XRCC4: variants seen among roughly 807,000 people sequenced by gnomAD.
XRCC4 encodes DNA repair protein XRCC4.
A neutral mutation model predicts 39.1 loss-of-function variants in XRCC4; 28 were observed. The observed-to-expected ratio is 0.72, with a 90% CI of 0.53 to 0.98. XRCC4 has a LOEUF of 0.98. Ranked by LOEUF, XRCC4 falls within the 50% of genes least tolerant of loss-of-function variation. XRCC4 has a pLI of 0.00. For missense variants in XRCC4, 350 were observed against 376.4 expected, an observed-to-expected ratio of 0.93 and a Z score of 0.58; for synonymous variants, 123 against 126.4, an observed-to-expected ratio of 0.97 and a Z score of 0.18.
At chr5:83,340,918 C>G (rs554037646) in intron 7 of XRCC4, among the ~76,000 whole-genome samples, 1 of 152,162 alleles carries the variant, frequency 6.6e-6, no homozygotes, top group African/African-American at 2.4e-5. Flanking sequence ...TTTGCCACTT[C>G]TCTTGATAGC....
intron 7 of XRCC4, among the ~76,000 whole-genome samples, chr5:83,265,743 T>G (rs189515134): frequency 6.6e-6 from 1 of 152,266 alleles, no homozygotes; most frequent in Admixed American, 6.5e-5. Context: ...AAAGCATGAT[T>G]ATTAAATGTA....
chr5:83,128,322 C>T lies in XRCC4; in HGVS notation c.315+17119C>T, dbSNP rs559092274. 4.1e-4 allele frequency among the ~76,000 whole-genome samples: 63 copies of T among 152,248 alleles called. 2 individuals carry two copies. In the East Asian group the frequency reaches 0.011, roughly 26 times the overall value. On this transcript the variant is annotated intron_variant, in intron 3 of 7. Coordinates refer to ENST00000396027, the MANE Select transcript of XRCC4 (RefSeq NM_003401.5). ...ATGAACTCATCCTTTTTAATGGCTA[C>T]ATAGTATTCCATGGTGTATATGTGC... is the stretch of plus-strand genomic sequence containing the variant.
chr5:83,229,584 T>C (rs1752419487), intron 6 of XRCC4, among the ~76,000 whole-genome samples: 1 of 151,550 alleles, frequency 6.6e-6, no homozygotes, highest in Non-Finnish European at 1.5e-5. Flanking sequence ...AAGATAAATT[T>C]GAACTAGAGA....
intron 6 of XRCC4, among the ~76,000 whole-genome samples, chr5:83,238,937 G>A (rs11957090): frequency 0.016 from 2,421 of 152,266 alleles, 60 homozygotes; most frequent in African/African-American, 0.054. Context: ...GTTTCAGGCA[G>A]CTCTGAAGTA....
the XRCC4 span, among the ~76,000 whole-genome samples, chr5:83,363,189 G>A: frequency 6.6e-6 from 1 of 152,124 alleles, no homozygotes; most frequent in East Asian, 1.9e-4. Context: ...GGAGATAGAT[G>A]AAGTTTGAGC....
intron 7 of XRCC4, among the ~76,000 whole-genome samples, chr5:83,336,584 G>T (rs1046598629): frequency 6.6e-6 from 1 of 152,028 alleles, no homozygotes; most frequent in Non-Finnish European, 1.5e-5. Flanking sequence ...TTGCTTATTT[G>T]CCCTGTTGTT....
At chr5:83,347,961 C>T (rs918116061) in intron 7 of XRCC4, among the ~76,000 whole-genome samples, 6 of 152,206 alleles carry the variant, frequency 3.9e-5, no homozygotes, top group African/African-American at 1.4e-4. Flanking sequence ...GTCCGAAAAC[C>T]AGCATGGCAG....
At chr5:83,108,867 TAGAAG>T in intron 2 of XRCC4, among the ~76,000 whole-genome samples, 1 of 151,140 alleles carries the variant, frequency 6.6e-6, no homozygotes. Flanking sequence ...TTTTTTTTTT[TAGAAG>T]AGCTACTAGG....
At chr5:83,091,464 A>G (rs1335376364) in intron 1 of XRCC4, among the ~76,000 whole-genome samples, 1 of 152,186 alleles carries the variant, frequency 6.6e-6, no homozygotes, top group Non-Finnish European at 1.5e-5. Context: ...TCTGGGGATT[A>G]CAATTCGAGA....
downstream of XRCC4, among the ~76,000 whole-genome samples, chr5:83,355,663 A>G (rs369893293): frequency 6.6e-6 from 1 of 152,072 alleles, no homozygotes; most frequent in African/African-American, 2.4e-5. Flanking sequence ...TGTTTGAGAC[A>G]GAGCCTCACA....
At chr5:83,094,216 ACTT>A (rs1745562380) in intron 1 of XRCC4, among the ~76,000 whole-genome samples, 2 of 151,448 alleles carry the variant, frequency 1.3e-5, no homozygotes, top group South Asian at 4.2e-4. Context: ...TTGTTTTTCT[ACTT>A]CTTAATTCCT....
intron 6 of XRCC4, among the ~76,000 whole-genome samples, chr5:83,211,582 G>C (rs988687043): frequency 6.6e-6 from 1 of 152,142 alleles, no homozygotes; most frequent in African/African-American, 2.4e-5. Context: ...AATAGAAAAA[G>C]AGAGGCTAGA....
intron 3 of XRCC4, among the ~76,000 whole-genome samples, chr5:83,111,844 A>G (rs1339351380): frequency 6.6e-6 from 1 of 152,140 alleles, no homozygotes; most frequent in Non-Finnish European, 1.5e-5. Context: ...AGTTTAATAG[A>G]TACTGAATTT....
intron 7 of XRCC4, among the ~76,000 whole-genome samples, chr5:83,297,705 T>G (rs749298339): frequency 6.6e-6 from 1 of 151,936 alleles, no homozygotes; most frequent in South Asian, 2.1e-4. Flanking sequence ...AGTATAATAG[T>G]AGGCCTAGTT....
chr5:83,143,238 A>T (rs554680537), intron 3 of XRCC4, among the ~76,000 whole-genome samples: 2 of 152,226 alleles, frequency 1.3e-5, no homozygotes, highest in East Asian at 3.9e-4. Context: ...ATTTTAATCT[A>T]CCTTTATACT....
intron 6 of XRCC4, among the ~76,000 whole-genome samples, chr5:83,254,026 A>G (rs1292493370): frequency 2.0e-5 from 3 of 151,290 alleles, no homozygotes; most frequent in African/African-American, 7.3e-5. Context: ...AATTCATCCC[A>G]CGGCCATACC....
chr5:83,219,590 A>C (rs1580385981), intron 6 of XRCC4, among the ~76,000 whole-genome samples: 2 of 152,186 alleles, frequency 1.3e-5, no homozygotes, highest in African/African-American at 4.8e-5. Flanking sequence ...TCTGTGCATT[A>C]GATTGGAGGT....
chr5:83,156,019 TC>T (rs11354518), intron 3 of XRCC4, among the ~76,000 whole-genome samples: 72,950 of 151,802 alleles, frequency 0.48, 18,417 homozygotes, highest in African/African-American at 0.62. Flanking sequence ...TCACCTCTCA[TC>T]CCCTTTTTAA....
At chr5:83,115,455 A>C (rs1271556973) in intron 3 of XRCC4, among the ~76,000 whole-genome samples, 3 of 152,126 alleles carry the variant, frequency 2.0e-5, no homozygotes, top group Admixed American at 6.5e-5. Flanking sequence ...ACAAACAAAA[A>C]AACAAGATGA....
Sources: gnomAD v4.1 joint callset for allele counts (sites outside exome capture counted in the v4.1 genomes callset) on GRCh38, gnomAD v4.1.1 for gene constraint, MANE v1.5 for transcripts, NCBI Gene and HGNC (gene_info 2026-07-23, HGNC 2026-07-21) for gene names.